DCTN4: variants seen among roughly 807,000 people sequenced by gnomAD.
The protein encoded by DCTN4 is dynactin 4 (p62).
Under a neutral mutation model 62.7 loss-of-function variants are expected in DCTN4, and 23 were observed. That is an observed-to-expected ratio of 0.37 (90% CI 0.26 to 0.52). The LOEUF (loss-of-function observed/expected upper bound fraction) is 0.52. Ranked by LOEUF, DCTN4 falls within the 20% of genes least tolerant of loss-of-function variation. DCTN4 has a pLI of 0.92. For missense variants in DCTN4, 514 were observed against 580.4 expected (o/e 0.89, Z 1.18); for synonymous variants, 199 against 202.1 (o/e 0.98, Z 0.13).
chr5:150,732,796 T>C (rs1319235314), intron 5 of DCTN4, among the ~76,000 whole-genome samples: 1 of 152,214 alleles, frequency 6.6e-6, no homozygotes, highest in Non-Finnish European at 1.5e-5. Flanking sequence ...ATTTCTTTCT[T>C]CTTACTAGCA....
At chr5:150,753,435 C>T in intron 3 of DCTN4, 44 bp downstream of exon 3, 2 of 1,567,974 alleles carry the variant, frequency 1.3e-6, no homozygotes, top group East Asian at 2.2e-5. Flanking sequence ...AATTATAGCA[C>T]TGTCAATTGT....
At chr5:150,752,828 G>A (rs1007769835) in intron 3 of DCTN4, among the ~76,000 whole-genome samples, 7 of 151,690 alleles carry the variant, frequency 4.6e-5, no homozygotes, top group African/African-American at 1.7e-4. Flanking sequence ...TGTTATATAA[G>A]ACCCAACTAT....
intron 8 of DCTN4, among the ~76,000 whole-genome samples, chr5:150,724,208 C>T (rs1760058104): frequency 6.6e-6 from 1 of 152,030 alleles, no homozygotes; most frequent in African/African-American, 2.4e-5. Context: ...TTTTAATGTA[C>T]ATTTCCCTGA....
chr5:150,719,469 T>C (rs1259694161), intron 10 of DCTN4, among the ~76,000 whole-genome samples: 1 of 152,226 alleles, frequency 6.6e-6, no homozygotes, highest in African/African-American at 2.4e-5. Context: ...TTCTCTCCTT[T>C]CTTTTCCCCA....
chr5:150,733,492 G>C lies in DCTN4; in HGVS notation c.430-17C>G, dbSNP rs573615949. 8.9e-6 allele frequency: 14 copies of C among 1,581,700 alleles called. No homozygotes were observed. The highest frequency in any genetic ancestry group is 1.1e-5 in the Non-Finnish European group (13 of 1,152,100). On this transcript the variant is annotated splice_polypyrimidine_tract_variant and intron_variant, in intron 4 of 12. Coordinates refer to ENST00000447998, the MANE Select transcript of DCTN4 (RefSeq NM_016221.4). The stretch of plus-strand genomic sequence containing the variant: ...TTTGTTCATCTGTAAGAAAATCACA[G>C]ACTCAGTACACAAAAAAGCTAACAG...
intron 3 of DCTN4, among the ~76,000 whole-genome samples, chr5:150,745,484 A>G (rs1210164077): frequency 1.3e-5 from 2 of 152,202 alleles, no homozygotes; most frequent in Non-Finnish European, 2.9e-5. Flanking sequence ...TCAACAGAAT[A>G]TACATTTTTT....
At chr5:150,729,683 C>T (rs531156668) in intron 8 of DCTN4, among the ~76,000 whole-genome samples, 206 of 151,518 alleles carry the variant, frequency 1.4e-3, no homozygotes, top group Non-Finnish European at 1.8e-3. Flanking sequence ...TTCACAGGCA[C>T]CATCATCACA....
intron 3 of DCTN4, among the ~76,000 whole-genome samples, chr5:150,749,429 G>A (rs1483479333): frequency 2.0e-5 from 3 of 152,158 alleles, no homozygotes; most frequent in Admixed American, 6.5e-5. Flanking sequence ...GGCTAAAATG[G>A]GTAAGACTGA....
At position 150,741,608 on chromosome 5, in the gene DCTN4, G is replaced by A. The variant is rs555126274; in HGVS notation, c.429+506C>T. Among the ~76,000 whole-genome samples, 798 of 152,192 alleles carry A rather than the reference G, an allele frequency of 5.2e-3. 2 individuals are homozygous for A. The highest frequency in any genetic ancestry group is 9.1e-3 in the Non-Finnish European group (618 of 68,012). On this transcript the variant is annotated intron_variant, in intron 4 of 12. Transcript: ENST00000447998. Reference sequence around the variant, plus strand: ...CAATCCTCCCACCTCAGCCTCCTGAGTTGCTGGGACTATAGGCATGCGCCA... The same window carrying A: ...CAATCCTCCCACCTCAGCCTCCTGAATTGCTGGGACTATAGGCATGCGCCA...
At chr5:150,739,234 T>G (rs1760688138) in intron 4 of DCTN4, among the ~76,000 whole-genome samples, 1 of 149,080 alleles carries the variant, frequency 6.7e-6, no homozygotes, top group Non-Finnish European at 1.5e-5. Flanking sequence ...ATGAAATCAA[T>G]GTACAGAAAT....
rs1379495914 is a variant in DCTN4, at chr5:150,711,162, G to A, written c.1370C>T (p.Pro457Leu). The A allele has an allele frequency of 5.0e-6, 8 of 1,612,068 alleles. No homozygotes were observed. The South Asian group carries it at 7.7e-5, about 16-fold the overall frequency. ...LTQHVELSLG[P>L]LLP is the part of the protein sequence containing the mutation. ...CAGTGGAACCTTTTAAGGAAGAAGT[G>A]GGCCCAAGCTAAGTTCCACATGCTG... The change falls in exon 13 of 13, where the codon CCA becomes CTA. Residue 457 changes from proline to leucine, a missense_variant. By Grantham distance (98) the Pro-to-Leu change is moderately conservative. Transcript: ENST00000447998.
At chr5:150,718,134 G>C (rs1165869506) in intron 11 of DCTN4, 142 bp downstream of exon 11, 1 of 575,200 alleles carries the variant, frequency 1.7e-6, no homozygotes, top group Admixed American at 3.4e-5. Context: ...TCAGGATAAA[G>C]TAAAAAAATT....
chr5:150,713,020 C>CT (rs1162892509), intron 12 of DCTN4, among the ~76,000 whole-genome samples: 3 of 152,120 alleles, frequency 2.0e-5, no homozygotes, highest in Non-Finnish European at 4.4e-5. Context: ...TATATCTTGG[C>CT]TTAACAAATT....
intron 5 of DCTN4, chr5:150,731,996 T>C (rs1199929331): frequency 1.0e-5 from 11 of 1,098,352 alleles, no homozygotes; most frequent in South Asian, 1.3e-5. Flanking sequence ...GCAGGTTATA[T>C]GGGAAAATTG....
At chr5:150,718,112 G>A (rs1759831681) in intron 11 of DCTN4, among the ~76,000 whole-genome samples, 164 bp downstream of exon 11, 1 of 152,202 alleles carries the variant, frequency 6.6e-6, no homozygotes, top group Non-Finnish European at 1.5e-5. Flanking sequence ...CCTTCAAATA[G>A]GGCAGTGTGT....
At chr5:150,712,856 G>A (rs1759619766) in intron 12 of DCTN4, among the ~76,000 whole-genome samples, 1 of 152,140 alleles carries the variant, frequency 6.6e-6, no homozygotes, top group South Asian at 2.1e-4. Context: ...AAAGGTTACT[G>A]GGATTACATA....
Position 150,710,942 on chromosome 5 carries a change from C to G in DCTN4, c.*207G>C. On this transcript the variant is annotated 3_prime_UTR_variant, in exon 13 of 13. Transcript: ENST00000447998. ...GTTCAGTGAGGGAGACACAGACTTA[C>G]TGGTGTCAACAGGGGTGAGAGCAAG... 2 of 577,972 alleles carry G rather than the reference C, an allele frequency of 3.5e-6. No individual in the cohort carries two copies. The highest frequency in any genetic ancestry group is 6.2e-6 in the Non-Finnish European group (2 of 323,188). The allele number at this position is 577,972 out of a possible 1,614,324, so 35.8% of individuals were successfully genotyped here. A position where few individuals can be genotyped will look rare whatever the true frequency, so the allele number is the denominator to read the frequency against.
chr5:150,711,423 C>CTT, intron 12 of DCTN4, 61 bp from the exon 13 acceptor site: 1 of 1,341,076 alleles, frequency 7.5e-7, no homozygotes, highest in Non-Finnish European at 1.1e-6. Flanking sequence ...ACCACTAAGA[C>CTT]TTACAGTAAA....
Position 150,711,183 on chromosome 5 carries a change from T to G in DCTN4, c.1349A>C (p.His450Pro). 1 of 1,612,418 alleles carries G rather than the reference T, an allele frequency of 6.2e-7. No individual in the cohort carries two copies. The highest frequency in any genetic ancestry group is 8.5e-7 in the Non-Finnish European group (1 of 1,180,032). The stretch of plus-strand genomic sequence containing the variant: ...AAGTGGGCCCAAGCTAAGTTCCACA[T>G]GCTGGGTGAGCCAGATGACTTCTGT... ...QGTEVIWLTQ[H>P]VELSLGPLLP Residue 450 changes from histidine to proline, a missense_variant, in exon 13 of 13, where the codon CAT (histidine) becomes CCT (proline). His to Pro is a moderately conservative substitution (Grantham distance 77). Transcript: ENST00000447998.
Sources: gnomAD v4.1 joint callset for allele counts (sites outside exome capture counted in the v4.1 genomes callset) on GRCh38, gnomAD v4.1.1 for gene constraint, MANE v1.5 for transcripts, NCBI Gene and HGNC (gene_info 2026-07-23, HGNC 2026-07-21) for gene names.